BTBD9: variants seen among roughly 807,000 people sequenced by gnomAD.
The protein encoded by BTBD9 is BTB/POZ domain-containing protein 9.
Under a neutral mutation model 64.3 loss-of-function variants are expected in BTBD9, and 49 were observed. The ratio of observed to expected loss-of-function variants is 0.76; its 90% CI spans 0.61 to 0.97. The LOEUF (loss-of-function observed/expected upper bound fraction) is 0.97. BTBD9 is among the 50% of genes least tolerant of loss of function. The pLI is 0.00. For synonymous variants in BTBD9, 260 were observed against 274.7 expected, an observed-to-expected ratio of 0.95 and a Z score of 0.53; for missense variants, 598 against 762.1, an observed-to-expected ratio of 0.78 and a Z score of 2.53.
intron 7 of BTBD9, among the ~76,000 whole-genome samples, chr6:38,296,980 G>A (rs933337173): frequency 2.6e-5 from 4 of 152,118 alleles, no homozygotes; most frequent in African/African-American, 9.7e-5. Flanking sequence ...CTAATTTGGG[G>A]GATGTATGGT....
intron 6 of BTBD9, among the ~76,000 whole-genome samples, chr6:38,574,351 C>T (rs1442790504): frequency 6.6e-6 from 1 of 152,052 alleles, no homozygotes; most frequent in African/African-American, 2.4e-5. Context: ...TATGAAAACT[C>T]CTAGACATAT....
At chr6:38,482,416 T>C (rs1771195987) in intron 6 of BTBD9, 1 of 151,740 alleles carries the variant, frequency 6.6e-6, no homozygotes, top group Non-Finnish European at 1.5e-5. Flanking sequence ...TCTTTCTTTT[T>C]TTTTTTTTTT....
intron 8 of BTBD9, among the ~76,000 whole-genome samples, chr6:38,266,348 G>A (rs545091009): frequency 1.3e-5 from 2 of 152,198 alleles, no homozygotes; most frequent in South Asian, 4.2e-4. Context: ...TGAGGTGGGT[G>A]GATCACCCGA....
chr6:38,313,890 C>T (rs531613569), intron 7 of BTBD9, among the ~76,000 whole-genome samples: 16 of 151,608 alleles, frequency 1.1e-4, no homozygotes, highest in Non-Finnish European at 1.8e-4. Flanking sequence ...GCTGGGACTA[C>T]GGGTGCATAC....
chr6:38,518,887 C>T (rs7452084), intron 6 of BTBD9, among the ~76,000 whole-genome samples: 139,880 of 152,252 alleles, frequency 0.92, 64,882 homozygotes, highest in East Asian at 1. Context: ...GCTTATAATC[C>T]ATTTTTTATA....
At chr6:38,197,750 C>T (rs998697576) in intron 9 of BTBD9, among the ~76,000 whole-genome samples, 6 of 152,172 alleles carry the variant, frequency 3.9e-5, no homozygotes, top group African/African-American at 7.2e-5. Context: ...TCAGCAGGTG[C>T]TCTATGAAAA....
chr6:38,430,104 A>G (rs1242937187), intron 6 of BTBD9, among the ~76,000 whole-genome samples: 4 of 152,054 alleles, frequency 2.6e-5, no homozygotes, highest in East Asian at 1.9e-4. Flanking sequence ...GTAGGAGATT[A>G]TAATTCTGTT....
Position 38,173,405 on chromosome 6 carries a change from T to C in BTBD9, c.*1580A>G, listed in dbSNP as rs1056757441. The C allele has an allele frequency of 1.3e-5, 2 of 152,334 alleles. No homozygotes were observed. Among genetic ancestry groups the C allele is most frequent in the African/African-American group, 4.8e-5 (2 of 41,562 alleles). 9.4% of individuals were successfully genotyped at this position (152,334 alleles called of 1,614,324 possible). ...CTGCAGCTGGAGCTACCGGGGAGGATGGAGAGCTGCAGACCCTGGCTTCTC... is the reference window on the plus strand; with the variant it reads ...CTGCAGCTGGAGCTACCGGGGAGGACGGAGAGCTGCAGACCCTGGCTTCTC... On this transcript the variant is annotated 3_prime_UTR_variant, in exon 11 of 11. Coordinates refer to ENST00000481247, the MANE Select transcript of BTBD9 (RefSeq NM_001099272.2).
intron 6 of BTBD9, among the ~76,000 whole-genome samples, chr6:38,397,441 G>A (rs1296169067): frequency 6.6e-6 from 1 of 152,166 alleles, no homozygotes; most frequent in African/African-American, 2.4e-5. Flanking sequence ...GAAAGATGAC[G>A]CCCAGCTTTG....
At chr6:38,266,458 A>C (rs1466884264) in intron 8 of BTBD9, among the ~76,000 whole-genome samples, 1 of 152,056 alleles carries the variant, frequency 6.6e-6, no homozygotes, top group African/African-American at 2.4e-5. Flanking sequence ...CTGTAATCCC[A>C]GTTACTCAGG....
chr6:38,584,354 C>T (rs1439703203), intron 4 of BTBD9, among the ~76,000 whole-genome samples: 1 of 152,014 alleles, frequency 6.6e-6, no homozygotes, highest in Non-Finnish European at 1.5e-5. Flanking sequence ...AAAGATTAAA[C>T]AAGATAGTAG....
chr6:38,188,728 A>G (rs912225313), intron 10 of BTBD9, among the ~76,000 whole-genome samples: 3 of 152,170 alleles, frequency 2.0e-5, no homozygotes, highest in Admixed American at 1.3e-4. Context: ...TGGGATTAGA[A>G]GTGGGGTCTT....
chr6:38,554,753 C>A (rs1774945062), intron 6 of BTBD9, among the ~76,000 whole-genome samples: 1 of 152,080 alleles, frequency 6.6e-6, no homozygotes, highest in South Asian at 2.1e-4. Context: ...AAAAAAAAAT[C>A]CAAAAAGGAA....
intron 10 of BTBD9, among the ~76,000 whole-genome samples, chr6:38,189,305 C>T (rs1323580071): frequency 6.6e-6 from 1 of 152,214 alleles, no homozygotes; most frequent in African/African-American, 2.4e-5. Flanking sequence ...TCCTCCTTCC[C>T]TGATGTGACC....
At chr6:38,430,308 C>T (rs528196609) in intron 6 of BTBD9, among the ~76,000 whole-genome samples, 23 of 151,380 alleles carry the variant, frequency 1.5e-4, no homozygotes, top group Non-Finnish European at 2.9e-4. Flanking sequence ...AAGCTTCGAA[C>T]TCCTGGGCTC....
Position 38,355,813 on chromosome 6 carries a change from T to A in BTBD9, c.1155-10720A>T, listed in dbSNP as rs115005700. ...ACAGCCTGCACACTGTATCTCACAC[T>A]TTCTTCTTTCTTGGTCTCTTCTCTC... On this transcript the variant is annotated intron_variant, in intron 6 of 10. Transcript: ENST00000481247. 6.1e-3 allele frequency among the ~76,000 whole-genome samples: 932 copies of A among 152,310 alleles called. 12 individuals carry two copies. The highest frequency in any genetic ancestry group is 0.019 in the African/African-American group (771 of 41,570).
At chr6:38,294,223 C>T (rs1762078060) in intron 7 of BTBD9, among the ~76,000 whole-genome samples, 1 of 152,190 alleles carries the variant, frequency 6.6e-6, no homozygotes, top group Non-Finnish European at 1.5e-5. Flanking sequence ...GTTGGTGGGA[C>T]TGTAAACTAG....
chr6:38,536,497 A>G (rs920108212), intron 6 of BTBD9, among the ~76,000 whole-genome samples: 2 of 152,190 alleles, frequency 1.3e-5, no homozygotes, highest in East Asian at 3.8e-4. Context: ...AAAGAAAGGA[A>G]ATCAGTATAT....
intron 6 of BTBD9, among the ~76,000 whole-genome samples, chr6:38,487,588 T>G (rs539712844): frequency 1.1e-4 from 5 of 47,348 alleles, no homozygotes; most frequent in South Asian, 5.7e-4. Flanking sequence ...AGAGAGAGAG[T>G]CAGCGAGAGA....
Sources: allele counts gnomAD v4.1 joint callset (sites outside exome capture counted in the v4.1 genomes callset), GRCh38; gene constraint gnomAD v4.1.1; transcripts MANE v1.5; gene names NCBI Gene and HGNC (gene_info 2026-07-23, HGNC 2026-07-21).